The following RNF4 variants were observed in gnomAD, a reference collection of about 807,000 sequenced individuals.
RNF4 encodes ring finger protein 4.
RNF4 carries 7 observed loss-of-function variants against 24.3 expected under a neutral mutation model. That is an observed-to-expected ratio of 0.29 (90% CI 0.16 to 0.54). The LOEUF is 0.54. Among genes scored for constraint, RNF4 ranks in the 20% least tolerant of loss-of-function variants. The pLI, the probability that RNF4 is intolerant of heterozygous loss-of-function variation, is 0.95. For missense variants in RNF4, 209 were observed against 248.5 expected, an observed-to-expected ratio of 0.84 and a Z score of 1.07; for synonymous variants, 83 against 84.3, an observed-to-expected ratio of 0.98 and a Z score of 0.09.
intron 4 of RNF4, among the ~76,000 whole-genome samples, chr4:2,502,544 C>T (rs969360927): frequency 1.3e-5 from 2 of 151,764 alleles, no homozygotes; most frequent in Non-Finnish European, 2.9e-5. Flanking sequence ...ATTATGCGGA[C>T]GCCTGTAGTC....
intron 1 of RNF4, among the ~76,000 whole-genome samples, chr4:2,488,858 G>T (rs1735496275): frequency 6.6e-6 from 1 of 152,016 alleles, no homozygotes; most frequent in Non-Finnish European, 1.5e-5. Flanking sequence ...TGCTCTCGTT[G>T]TCCAGGGTGG....
At chr4:2,495,918 A>C (rs1234928070) in intron 2 of RNF4, among the ~76,000 whole-genome samples, 1 of 152,212 alleles carries the variant, frequency 6.6e-6, no homozygotes, top group Non-Finnish European at 1.5e-5. Flanking sequence ...GGCCTGAGCC[A>C]CTGCGCCTGG....
At chr4:2,479,396 G>C (rs1452272102) in intron 1 of RNF4, among the ~76,000 whole-genome samples, 1 of 152,138 alleles carries the variant, frequency 6.6e-6, no homozygotes, top group Non-Finnish European at 1.5e-5. Flanking sequence ...GGAATGATAT[G>C]GTTTGGCTGT....
rs536860548 is a variant in RNF4 at position 2,510,489 on chromosome 4, G to A, written c.205-1467G>A. Among the ~76,000 whole-genome samples the A allele has an allele frequency of 2.6e-5, 4 of 152,348 alleles. No individual in the cohort carries two copies. The East Asian group carries it at 7.7e-4, about 29-fold the overall frequency. On this transcript the variant is annotated intron_variant, in intron 4 of 7. Coordinates refer to ENST00000314289, the MANE Select transcript of RNF4 (RefSeq NM_002938.5). The stretch of plus-strand genomic sequence containing the variant: ...CAAGACATAGCAGCCTCTGCCAGAA[G>A]TGTTTCTTCAGGATGCAGCTGTGCC...
chr4:2,509,248 G>A (rs1290061008), intron 4 of RNF4, among the ~76,000 whole-genome samples: 7 of 150,820 alleles, frequency 4.6e-5, no homozygotes, highest in Admixed American at 3.3e-4. Context: ...AGACAGTTTC[G>A]CTATTGTTGT....
intron 1 of RNF4, chr4:2,471,145 T>C (rs1378368572): frequency 6.6e-6 from 1 of 152,114 alleles, no homozygotes; most frequent in African/African-American, 2.4e-5. Flanking sequence ...TTTTGTATTT[T>C]TAGTGGAGAC....
At chr4:2,497,739 A>G (rs1735780092) in intron 3 of RNF4, among the ~76,000 whole-genome samples, 1 of 152,138 alleles carries the variant, frequency 6.6e-6, no homozygotes, top group South Asian at 2.1e-4. Context: ...GGTTCACGCC[A>G]TTCTCCTGCC....
intron 1 of RNF4, among the ~76,000 whole-genome samples, chr4:2,482,614 C>T (rs1244711520): frequency 2.0e-5 from 3 of 152,224 alleles, no homozygotes. Context: ...TCCTTTCAGG[C>T]CCCTGGGGAT....
chr4:2,511,929 TTTTG>T (rs778955787), intron 4 of RNF4, 23 bp from the exon 5 acceptor site: 2 of 1,596,520 alleles, frequency 1.3e-6, no homozygotes, highest in African/African-American at 1.3e-5. Flanking sequence ...CTTCTTTCTC[TTTTG>T]TTTTTCTCCT....
At chr4:2,488,517 G>T (rs1396663086) in intron 1 of RNF4, among the ~76,000 whole-genome samples, 4 of 152,200 alleles carry the variant, frequency 2.6e-5, no homozygotes, top group African/African-American at 9.6e-5. Context: ...GCATTTTAGG[G>T]CTTGAGCAGA....
rs774147788 is a variant in RNF4, at chr4:2,513,693, C to T, written c.447C>T (p.Ile149=). The T allele has an allele frequency of 2.5e-6, 4 of 1,613,850 alleles. No individual in the cohort carries two copies. The highest frequency in any genetic ancestry group is 1.3e-5 in the African/African-American group (1 of 74,910). The change falls in exon 8 of 8, where the codon ATC becomes ATT. Residue 149 remains isoleucine, a synonymous_variant. Transcript: ENST00000314289. ...YSEIVQNGRL[I]VSTECGHVFC... The stretch of plus-strand genomic sequence containing the variant: ...AGATCGTGCAGAATGGACGTCTCAT[C>T]GTTTCCACAGAATGCGGCCATGTCT...
intron 4 of RNF4, 48 bp from the exon 5 acceptor site, chr4:2,511,903 TATATC>T (rs1736278861): frequency 2.6e-6 from 4 of 1,560,442 alleles, no homozygotes; most frequent in South Asian, 2.3e-5. Context: ...GTTTATCACT[TATATC>T]AAACTGATTG....
chr4:2,474,475 G>A (rs1735007286), intron 1 of RNF4, among the ~76,000 whole-genome samples: 1 of 152,080 alleles, frequency 6.6e-6, no homozygotes, highest in South Asian at 2.1e-4. Flanking sequence ...TGCTTCCTGT[G>A]GACAGGCAAA....
rs749661392 is a variant in RNF4, at chr4:2,512,479, G to A, written c.256G>A (p.Asp86Asn). 3 of 1,613,624 alleles carry A rather than the reference G, an allele frequency of 1.9e-6. No individual in the cohort carries two copies. The highest frequency in any genetic ancestry group is 2.2e-5 in the South Asian group (2 of 91,016). ...GAGGAATGCTAGGAGGCTGCCCCAGGACCATGCTGACAGCTGTGTGGTGAG... is the reference window on the plus strand; with the variant it reads ...GAGGAATGCTAGGAGGCTGCCCCAGAACCATGCTGACAGCTGTGTGGTGAG... ...PRRNARRLPQDHADSCVVSSD... is the reference protein window; with the variant it reads ...PRRNARRLPQNHADSCVVSSD... Residue 86 changes from aspartate to asparagine, a missense_variant, in exon 6 of 8, where the codon GAC (aspartate) becomes AAC (asparagine). This residue lies in a region of RNF4 where 182 missense variants were observed against 197.2 expected (regional missense o/e 0.92). Coordinates refer to ENST00000314289, the MANE Select transcript of RNF4 (RefSeq NM_002938.5). This position sits in a 1 kb window ranked among gnomAD's most constrained non-coding sequence, Gnocchi z 4.1.
intron 4 of RNF4, among the ~76,000 whole-genome samples, chr4:2,508,774 G>C (rs1327534022): frequency 6.6e-6 from 1 of 151,422 alleles, no homozygotes; most frequent in African/African-American, 2.4e-5. Flanking sequence ...CCACATGCCC[G>C]GCTAATTTTG....
chr4:2,496,839 C>A (rs974241472), intron 2 of RNF4, among the ~76,000 whole-genome samples, 168 bp from the exon 3 acceptor site: 1 of 152,184 alleles, frequency 6.6e-6, no homozygotes, highest in Non-Finnish European at 1.5e-5. Context: ...GTTTCTCTCT[C>A]CGTAAGCATT....
chr4:2,505,839 C>G (rs1736084861), intron 4 of RNF4: 1 of 136,230 alleles, frequency 7.3e-6, no homozygotes, highest in East Asian at 2.4e-4. Flanking sequence ...GTAGCTGGGA[C>G]TATAGGCATG....
chr4:2,510,546 C>T lies in RNF4; in HGVS notation c.205-1410C>T, dbSNP rs911564404. Among the ~76,000 whole-genome samples, 14 of 152,346 alleles carry T rather than the reference C, an allele frequency of 9.2e-5. No homozygotes were observed. In the East Asian group the frequency reaches 1.7e-3, roughly 19 times the overall value. On this transcript the variant is annotated intron_variant, in intron 4 of 7. Transcript: ENST00000314289. ...TGCCAACACCCTCAGCAGCTCAAAT[C>T]GGCCTCCATCCCCTGCCCTGCCAGT... is the stretch of plus-strand genomic sequence containing the variant.
At chr4:2,490,669 C>T (rs552557539) in intron 2 of RNF4, 167 bp downstream of exon 2, 16 of 623,390 alleles carry the variant, frequency 2.6e-5, no homozygotes, top group East Asian at 2.5e-4. Context: ...GCTTACTTAC[C>T]GACATTGAGC....
Sources: gnomAD v4.1 joint callset for allele counts (sites outside exome capture counted in the v4.1 genomes callset) on GRCh38, gnomAD v4.1.1 for gene constraint, gnomAD v4.1.1 regional missense constraint, Gnocchi (gnomAD v3.1) non-coding constraint, MANE v1.5 for transcripts, NCBI Gene and HGNC (gene_info 2026-07-23, HGNC 2026-07-21) for gene names.